Variants in ABCA13 observed in about 807,000 individuals in gnomAD.
ABCA13 encodes the protein ATP-binding cassette sub-family A member 13.
Under a neutral mutation model 478.7 loss-of-function variants are expected in ABCA13, and 476 were observed. The observed-to-expected ratio is 0.99, with a 90% CI of 0.92 to 1.07. ABCA13 has a LOEUF of 1.07. ABCA13 is among the 50% of genes least tolerant of loss of function. The probability of loss-of-function intolerance (pLI) is 0.00; values close to 1 mark genes in which losing one functional copy is unlikely to be tolerated. For missense variants in ABCA13, 6,060 were observed against 5,910.6 expected (o/e 1.03, Z -0.83); for synonymous variants, 2,252 against 2,158.9 (o/e 1.04, Z -1.20).
intron 43 of ABCA13, among the ~76,000 whole-genome samples, chr7:48,455,962 C>A (rs575843827): frequency 9.4e-4 from 143 of 152,298 alleles, no homozygotes; most frequent in Middle Eastern, 3.4e-3. Context: ...GTTTAGCGGG[C>A]TCCTCTCTAG....
intron 55 of ABCA13, among the ~76,000 whole-genome samples, chr7:48,550,265 C>CTTTTTTTT (rs57540403): frequency 6.7e-6 from 1 of 148,330 alleles, no homozygotes; most frequent in Non-Finnish European, 1.5e-5. Flanking sequence ...CTCTATTTTT[C>CTTTTTTTT]TTTTTTTTGG....
chr7:48,401,302 T>C (rs1356667871), intron 38 of ABCA13, among the ~76,000 whole-genome samples: 1 of 152,190 alleles, frequency 6.6e-6, no homozygotes, highest in Non-Finnish European at 1.5e-5. Flanking sequence ...TAAAATAAAG[T>C]GACTGGGATT....
intron 50 of ABCA13, 131 bp downstream of exon 50, chr7:48,508,180 A>G (rs1288861899): frequency 1.6e-5 from 17 of 1,090,428 alleles, no homozygotes; most frequent in Non-Finnish European, 2.3e-5. Flanking sequence ...CATCTTATTG[A>G]TAAGAGCATT....
At chr7:48,354,786 T>C (rs542628859) in intron 31 of ABCA13, among the ~76,000 whole-genome samples, 3 of 152,156 alleles carry the variant, frequency 2.0e-5, no homozygotes, top group African/African-American at 7.2e-5. Context: ...CTCCCTTTCT[T>C]GAGGGCTTAG....
chr7:48,530,748 G>A (rs979924543), intron 55 of ABCA13, among the ~76,000 whole-genome samples: 6 of 152,076 alleles, frequency 3.9e-5, no homozygotes, highest in African/African-American at 1.2e-4. Context: ...GTGATGTTGA[G>A]CATTTTTTCA....
At chr7:48,463,200 T>C (rs925530630) in intron 43 of ABCA13, among the ~76,000 whole-genome samples, 3 of 152,122 alleles carry the variant, frequency 2.0e-5, no homozygotes, top group African/African-American at 7.2e-5. Context: ...ACTGTTTGGG[T>C]TTTTCTCTGG....
intron 32 of ABCA13, among the ~76,000 whole-genome samples, chr7:48,370,366 G>T (rs922052712): frequency 6.6e-6 from 1 of 152,034 alleles, no homozygotes; most frequent in Admixed American, 6.6e-5. Flanking sequence ...CCTCTTTACT[G>T]ATTTGGATGC....
intron 3 of ABCA13, among the ~76,000 whole-genome samples, chr7:48,211,167 T>C (rs1327733487): frequency 2.6e-5 from 4 of 152,246 alleles, no homozygotes; most frequent in African/African-American, 4.8e-5. Flanking sequence ...TTGATGCTTA[T>C]GGATGTTCAT....
intron 43 of ABCA13, among the ~76,000 whole-genome samples, chr7:48,460,916 C>T (rs1182328903): frequency 6.6e-6 from 1 of 152,156 alleles, no homozygotes; most frequent in Non-Finnish European, 1.5e-5. Flanking sequence ...ACTTCATGAT[C>T]CAGTGATGTT....
chr7:48,224,312 T>C (rs1490816951), intron 5 of ABCA13, among the ~76,000 whole-genome samples: 1 of 152,214 alleles, frequency 6.6e-6, no homozygotes, highest in Non-Finnish European at 1.5e-5. Context: ...CAGACTCACA[T>C]TGCCTGGGAC....
chr7:48,390,591 C>T (rs1287462637), intron 37 of ABCA13, among the ~76,000 whole-genome samples: 4 of 152,230 alleles, frequency 2.6e-5, no homozygotes, highest in African/African-American at 9.6e-5. Context: ...TTCTATGCTG[C>T]TCCAAGGTTT....
At chr7:48,600,250 TA>T (rs1166110042) in intron 58 of ABCA13, among the ~76,000 whole-genome samples, 1 of 152,170 alleles carries the variant, frequency 6.6e-6, no homozygotes, top group Non-Finnish European at 1.5e-5. Context: ...GTCTTTTGGA[TA>T]ATGTTTGTGT....
intron 22 of ABCA13, 44 bp from the exon 23 acceptor site, chr7:48,298,322 C>A: frequency 6.4e-7 from 1 of 1,558,640 alleles, no homozygotes; most frequent in South Asian, 1.2e-5. Context: ...CAGTAATGAT[C>A]TAAACCTTTA....
intron 1 of ABCA13, among the ~76,000 whole-genome samples, chr7:48,187,576 T>G (rs938876957): frequency 6.6e-6 from 1 of 152,004 alleles, no homozygotes; most frequent in Non-Finnish European, 1.5e-5. Flanking sequence ...CGTCTTAATA[T>G]TTTTGCCTTT....
chr7:48,273,162 A>C lies in ABCA13; in HGVS notation c.3496A>C (p.Lys1166Gln), dbSNP rs751370970. 3 of 1,613,652 alleles carry C rather than the reference A, an allele frequency of 1.9e-6. No individual in the cohort carries two copies. The highest frequency in any genetic ancestry group is 1.7e-5 in the Admixed American group (1 of 59,984). ...EIWETISQLF[K>Q]FDMNVFTSLH... Reference sequence around the variant, plus strand: ...CTGGGAAACCATATCTCAATTATTTAAGTTTGACATGAATGTTTTCACATC... The same window carrying C: ...CTGGGAAACCATATCTCAATTATTTCAGTTTGACATGAATGTTTTCACATC... The change falls in exon 17 of 62, where the codon AAG becomes CAG. Residue 1166 changes from lysine (K) to glutamine (Q), a missense_variant. Around this residue, in one of 3 missense-constraint regions of ABCA13, gnomAD observed 4,423 missense variants for 4,309.1 expected, o/e 1.03. Coordinates refer to ENST00000435803, the MANE Select transcript of ABCA13 (RefSeq NM_152701.5).
intron 31 of ABCA13, among the ~76,000 whole-genome samples, chr7:48,364,238 G>A (rs991124125): frequency 6.6e-6 from 1 of 152,036 alleles, no homozygotes; most frequent in Non-Finnish European, 1.5e-5. Flanking sequence ...CTGGAAATAG[G>A]GTCTAGGAGA....
intron 54 of ABCA13, among the ~76,000 whole-genome samples, 174 bp downstream of exon 54, chr7:48,524,614 A>G (rs1373672589): frequency 6.6e-6 from 1 of 151,408 alleles, no homozygotes; most frequent in African/African-American, 2.5e-5. Context: ...TCTGTTGACT[A>G]TTTCATAGTA....
intron 55 of ABCA13, among the ~76,000 whole-genome samples, chr7:48,539,077 A>G (rs1335134265): frequency 2.6e-5 from 4 of 152,284 alleles, no homozygotes; most frequent in East Asian, 3.9e-4. Flanking sequence ...GTTCTCTTTC[A>G]TCAAGAGGCA....
intron 30 of ABCA13, among the ~76,000 whole-genome samples, chr7:48,351,184 C>T (rs1401989189): frequency 1.3e-5 from 2 of 152,204 alleles, no homozygotes; most frequent in African/African-American, 2.4e-5. Flanking sequence ...TCCTGCATCA[C>T]CTTTCCTTTT....
Sources: allele counts gnomAD v4.1 joint callset (sites outside exome capture counted in the v4.1 genomes callset), GRCh38; gene constraint gnomAD v4.1.1; regional missense constraint gnomAD v4.1.1; transcripts MANE v1.5; gene names NCBI Gene and HGNC (gene_info 2026-07-23, HGNC 2026-07-21).